MAD1L1: variants seen among roughly 807,000 people sequenced by gnomAD.
MAD1L1 encodes the protein mitotic spindle assembly checkpoint protein MAD1.
A neutral mutation model predicts 96.9 loss-of-function variants in MAD1L1; 95 were observed. The ratio of observed to expected loss-of-function variants is 0.98; its 90% CI spans 0.83 to 1.16. MAD1L1 has a LOEUF of 1.16. Among genes scored for constraint, MAD1L1 ranks in the 50% most tolerant of loss-of-function variants. The probability of loss-of-function intolerance (pLI) is 0.00; values close to 1 mark genes in which losing one functional copy is unlikely to be tolerated. For synonymous variants in MAD1L1, 473 were observed against 396.6 expected, an observed-to-expected ratio of 1.19 and a Z score of -2.29; for missense variants, 1,007 against 954.4, an observed-to-expected ratio of 1.06 and a Z score of -0.73.
intron 18 of MAD1L1, among the ~76,000 whole-genome samples, chr7:1,883,380 C>CGGGGAT (rs1365977996): frequency 1.3e-5 from 2 of 152,204 alleles, no homozygotes; most frequent in Non-Finnish European, 2.9e-5. Context: ...CAAACGGCCC[C>CGGGGAT]GGGGATGAGC....
Position 2,172,532 on chromosome 7 carries a change from G to A in MAD1L1, c.987-23294C>T, listed in dbSNP as rs143158646. 2.1e-3 allele frequency among the ~76,000 whole-genome samples: 313 copies of A among 152,340 alleles called. 3 individuals are homozygous for A. The highest frequency in any genetic ancestry group is 0.018 in the South Asian group (85 of 4,830). On this transcript the variant is annotated intron_variant, in intron 10 of 18. Transcript: ENST00000265854. ...AAAAGGCACAAACACTGCCTGCACC[G>A]TGTGCTTCCCAGAACAGAAAACGGG... is the stretch of plus-strand genomic sequence containing the variant.
At chr7:1,918,210 C>T (rs1042450841) in intron 17 of MAD1L1, among the ~76,000 whole-genome samples, 2 of 152,176 alleles carry the variant, frequency 1.3e-5, no homozygotes, top group African/African-American at 2.4e-5. Context: ...AGAAGCCCCA[C>T]GATGGCCCAG....
chr7:2,127,882 G>C (rs1788308587), intron 11 of MAD1L1, among the ~76,000 whole-genome samples: 2 of 152,156 alleles, frequency 1.3e-5, no homozygotes, highest in African/African-American at 4.8e-5. Flanking sequence ...GCTGGCAATG[G>C]CCCCAGAGCC....
At chr7:1,891,866 C>A (rs1389343609) in intron 18 of MAD1L1, among the ~76,000 whole-genome samples, 1 of 152,210 alleles carries the variant, frequency 6.6e-6, no homozygotes, top group Admixed American at 6.5e-5. Flanking sequence ...TAGGCACAGG[C>A]CACTGTGCCC....
intron 15 of MAD1L1, among the ~76,000 whole-genome samples, chr7:1,967,081 A>T (rs888305192): frequency 6.6e-6 from 1 of 152,220 alleles, no homozygotes; most frequent in Non-Finnish European, 1.5e-5. Flanking sequence ...GTATGACTGA[A>T]AACAAAACCT....
At chr7:2,200,209 C>A (rs897462270) in intron 10 of MAD1L1, 10 of 152,484 alleles carry the variant, frequency 6.6e-5, no homozygotes, top group African/African-American at 2.4e-4. Context: ...CCACCCCACA[C>A]CCGCCCCGGG....
chr7:1,859,725 C>T (rs1006573250), intron 18 of MAD1L1, among the ~76,000 whole-genome samples: 1 of 152,138 alleles, frequency 6.6e-6, no homozygotes, highest in African/African-American at 2.4e-5. Context: ...CCTCTGTTCC[C>T]TAGACGTGAC....
At chr7:2,040,471 G>C (rs144482253) in intron 12 of MAD1L1, among the ~76,000 whole-genome samples, 1 of 152,330 alleles carries the variant, frequency 6.6e-6, no homozygotes, top group Admixed American at 6.5e-5. Context: ...TGTTCAGAAT[G>C]GGCAGATGGG....
chr7:2,140,998 G>A (rs1327691582), intron 11 of MAD1L1, among the ~76,000 whole-genome samples: 1 of 152,264 alleles, frequency 6.6e-6, no homozygotes, highest in Non-Finnish European at 1.5e-5. Context: ...CAGTCTGGGT[G>A]TGAAATATTA....
At chr7:1,892,237 G>A (rs567048248) in intron 18 of MAD1L1, among the ~76,000 whole-genome samples, 11 of 152,290 alleles carry the variant, frequency 7.2e-5, no homozygotes, top group South Asian at 2.1e-4. Context: ...TAAACCATGC[G>A]GCCCAAGGGT....
chr7:2,162,772 G>A (rs1013590448), intron 10 of MAD1L1, among the ~76,000 whole-genome samples: 1 of 148,312 alleles, frequency 6.7e-6, no homozygotes, highest in African/African-American at 2.5e-5. Context: ...CAAATGATGC[G>A]TGTATCTCAA....
intron 5 of MAD1L1, among the ~76,000 whole-genome samples, chr7:2,221,236 C>T (rs1459995082): frequency 3.3e-5 from 5 of 152,194 alleles, no homozygotes; most frequent in Non-Finnish European, 5.9e-5. Flanking sequence ...ACTCACCCTC[C>T]CCCATGGAAC....
chr7:1,996,449 C>T (rs1483659647), intron 14 of MAD1L1, among the ~76,000 whole-genome samples: 12 of 152,244 alleles, frequency 7.9e-5, no homozygotes, highest in Admixed American at 7.9e-4. Flanking sequence ...CCACACGGAC[C>T]ACAGGCTCCT....
At chr7:2,120,148 T>C (rs1214470634) in intron 11 of MAD1L1, among the ~76,000 whole-genome samples, 1 of 152,110 alleles carries the variant, frequency 6.6e-6, no homozygotes, top group Non-Finnish European at 1.5e-5. Context: ...CACCTCCCCC[T>C]CTCTTGGCCC....
chr7:2,179,455 G>A (rs1258202217), intron 10 of MAD1L1, among the ~76,000 whole-genome samples: 2 of 151,520 alleles, frequency 1.3e-5, no homozygotes, highest in African/African-American at 4.9e-5. Context: ...TTGAACCCGG[G>A]AGGTAGAGGT....
intron 16 of MAD1L1, among the ~76,000 whole-genome samples, chr7:1,940,734 G>A (rs955454624): frequency 1.3e-5 from 2 of 152,232 alleles, no homozygotes; most frequent in Non-Finnish European, 2.9e-5. Flanking sequence ...ACGGAAACAC[G>A]AATCTGAATT....
chr7:2,078,970 C>G (rs987541381), intron 11 of MAD1L1, among the ~76,000 whole-genome samples: 1 of 152,170 alleles, frequency 6.6e-6, no homozygotes, highest in Non-Finnish European at 1.5e-5. Flanking sequence ...ATGCCCCAGT[C>G]GGGCCAAGCA....
intron 18 of MAD1L1, among the ~76,000 whole-genome samples, chr7:1,880,885 C>T (rs1785644242): frequency 6.6e-6 from 1 of 152,210 alleles, no homozygotes; most frequent in Non-Finnish European, 1.5e-5. Flanking sequence ...CTGCCCAGGC[C>T]ACTGCAGCCC....
rs765212813 is a variant in MAD1L1, at chr7:1,936,902, A to G, written c.1597-5T>C. ...CCTGCTCTGGTCATAGTCACCCTGC[A>G]GGAACACACACAGCACAGGTCACCA... On this transcript the variant is annotated splice_region_variant and splice_polypyrimidine_tract_variant and intron_variant, in intron 16 of 18. Transcript: ENST00000265854. The G allele has an allele frequency of 1.1e-5, 18 of 1,583,874 alleles. No homozygotes were observed. In the African/African-American group the frequency reaches 2.0e-4, roughly 18 times the overall value.
Sources: allele counts gnomAD v4.1 joint callset (sites outside exome capture counted in the v4.1 genomes callset), GRCh38; gene constraint gnomAD v4.1.1; transcripts MANE v1.5; gene names NCBI Gene and HGNC (gene_info 2026-07-23, HGNC 2026-07-21).